The following MKLN1 variants were observed in gnomAD, a reference collection of about 807,000 sequenced individuals.
The protein encoded by MKLN1 is muskelin.
In MKLN1, 18 loss-of-function variants were observed where a neutral mutation model predicts 99.0. The ratio of observed to expected loss-of-function variants is 0.18; its 90% CI spans 0.13 to 0.27. The LOEUF is 0.27. Ranked by LOEUF, MKLN1 falls within the 10% of genes least tolerant of loss-of-function variation. The pLI is 1.00. For missense variants in MKLN1, 621 were observed against 875.9 expected (o/e 0.71, Z 3.67); for synonymous variants, 288 against 293.2 (o/e 0.98, Z 0.18).
At chr7:131,333,182 C>T (rs953691962) in intron 1 of MKLN1, among the ~76,000 whole-genome samples, 1 of 152,258 alleles carries the variant, frequency 6.6e-6, no homozygotes, top group African/African-American at 2.4e-5. Flanking sequence ...CTTTGGCCTC[C>T]CTAAGTGCTG....
At chr7:131,436,276 C>T (rs577489308) in intron 9 of MKLN1, among the ~76,000 whole-genome samples, 1 of 152,178 alleles carries the variant, frequency 6.6e-6, no homozygotes, top group South Asian at 2.1e-4. Flanking sequence ...AGAATACTGC[C>T]TTTTTATGTT....
At chr7:131,359,599 A>G (rs1799970868) in intron 1 of MKLN1, among the ~76,000 whole-genome samples, 1 of 152,148 alleles carries the variant, frequency 6.6e-6, no homozygotes, top group Non-Finnish European at 1.5e-5. Flanking sequence ...GTCCAATTAT[A>G]ATAATGCTTC....
At chr7:131,396,080 T>A (rs935108245) in intron 4 of MKLN1, among the ~76,000 whole-genome samples, 15 of 150,674 alleles carry the variant, frequency 1.0e-4, no homozygotes, top group African/African-American at 3.5e-4. Flanking sequence ...ATATATATAT[T>A]TTTTTCCACT....
chr7:131,397,027 CAT>C (rs551517446), intron 4 of MKLN1, among the ~76,000 whole-genome samples: 88 of 152,244 alleles, frequency 5.8e-4, no homozygotes, highest in Admixed American at 2.6e-3. Context: ...TGGGGGTAGA[CAT>C]GTGCACATTT....
chr7:131,367,176 T>C (rs1277955386), intron 1 of MKLN1, among the ~76,000 whole-genome samples: 2 of 152,190 alleles, frequency 1.3e-5, no homozygotes, highest in East Asian at 3.8e-4. Flanking sequence ...AAACTTAAAA[T>C]GTTATTCATT....
chr7:131,199,749 A>G (rs1285490793), intron 2 of MKLN1, among the ~76,000 whole-genome samples: 1 of 152,250 alleles, frequency 6.6e-6, no homozygotes, highest in Non-Finnish European at 1.5e-5. Context: ...GCTGGAGTAC[A>G]GTGGTGTGAT....
chr7:131,433,106 T>C (rs1238070169), intron 9 of MKLN1, among the ~76,000 whole-genome samples: 1 of 152,162 alleles, frequency 6.6e-6, no homozygotes, highest in African/African-American at 2.4e-5. Context: ...CAGCCCAGAA[T>C]TTAGACCATG....
At chr7:131,122,541 G>A (rs1204306291) in intron 1 of MKLN1, among the ~76,000 whole-genome samples, 1 of 152,158 alleles carries the variant, frequency 6.6e-6, no homozygotes, top group African/African-American at 2.4e-5. Flanking sequence ...ACATCACCCT[G>A]AATGAGTTGA....
intron 9 of MKLN1, among the ~76,000 whole-genome samples, chr7:131,431,095 G>A (rs1305539338): frequency 2.6e-5 from 4 of 152,058 alleles, no homozygotes; most frequent in Non-Finnish European, 5.9e-5. Context: ...GGTAGCAGGT[G>A]CCTGTAATCC....
chr7:131,112,294 T>A (rs1021780595), intron 1 of MKLN1, among the ~76,000 whole-genome samples: 1 of 152,248 alleles, frequency 6.6e-6, no homozygotes, highest in African/African-American at 2.4e-5. Flanking sequence ...ACTTCTGTGA[T>A]GAGATTGAAC....
chr7:131,410,736 C>G (rs1794849572), intron 6 of MKLN1, among the ~76,000 whole-genome samples: 1 of 152,014 alleles, frequency 6.6e-6, no homozygotes, highest in African/African-American at 2.4e-5. Flanking sequence ...GGTGGGAGAT[C>G]ACAAAAAGAA....
chr7:131,356,974 G>GAAAGA (rs978029291), intron 1 of MKLN1, among the ~76,000 whole-genome samples: 13 of 152,126 alleles, frequency 8.5e-5, no homozygotes, highest in African/African-American at 3.1e-4. Context: ...GGAAGGAAAG[G>GAAAGA]AAAGAAGGAA....
At chr7:131,275,568 T>TATATATATATATATATA (rs1491144880) in intron 3 of MKLN1, among the ~76,000 whole-genome samples, 1 of 14,830 alleles carries the variant, frequency 6.7e-5, no homozygotes, top group African/African-American at 4.0e-4. Context: ...TATATATATA[T>TATATATATATATATATA]TTTTTTTTTT....
chr7:131,289,118 C>T (rs929278121), intron 3 of MKLN1, among the ~76,000 whole-genome samples: 5 of 152,204 alleles, frequency 3.3e-5, no homozygotes, highest in Non-Finnish European at 7.3e-5. Flanking sequence ...TCCATCATGC[C>T]CGGCTATCAA....
At position 131,146,913 on chromosome 7, in the gene MKLN1, C is replaced by T. The variant is rs541872976; in HGVS notation, c.-297+3972C>T. 2.6e-5 allele frequency among the ~76,000 whole-genome samples: 4 copies of T among 152,226 alleles called. No individual in the cohort carries two copies. The South Asian group carries it at 8.3e-4, about 32-fold the overall frequency. On this transcript the variant is annotated intron_variant, in intron 2 of 7. Transcript: ENST00000416992. Reference sequence around the variant, plus strand: ...GGGGGAGAAGACAGGTGGGCAAATCCTTACAGTACCTTGTGACAAATGCTA... The same window carrying T: ...GGGGGAGAAGACAGGTGGGCAAATCTTTACAGTACCTTGTGACAAATGCTA...
chr7:131,337,108 A>G (rs1417123964), intron 1 of MKLN1, among the ~76,000 whole-genome samples: 1 of 152,122 alleles, frequency 6.6e-6, no homozygotes, highest in Non-Finnish European at 1.5e-5. Flanking sequence ...GCTTCTTGGA[A>G]GGTAGTATGA....
At chr7:131,298,998 G>C (rs1798336513) in intron 3 of MKLN1, among the ~76,000 whole-genome samples, 1 of 152,160 alleles carries the variant, frequency 6.6e-6, no homozygotes, top group African/African-American at 2.4e-5. Flanking sequence ...GGCAACAACA[G>C]CGAGATTCTG....
chr7:131,388,259 T>G (rs1466643280), intron 3 of MKLN1, among the ~76,000 whole-genome samples: 1 of 152,204 alleles, frequency 6.6e-6, no homozygotes, highest in Admixed American at 6.5e-5. Context: ...TATACTGTAT[T>G]TAAGTCATGA....
intron 3 of MKLN1, among the ~76,000 whole-genome samples, chr7:131,302,848 A>G (rs1370553669): frequency 2.6e-5 from 4 of 152,198 alleles, no homozygotes; most frequent in African/African-American, 9.6e-5. Context: ...GACCTAGTCC[A>G]CACTGGGTGG....
Sources: allele counts gnomAD v4.1 joint callset (sites outside exome capture counted in the v4.1 genomes callset), GRCh38; gene constraint gnomAD v4.1.1; transcripts MANE v1.5; gene names NCBI Gene and HGNC (gene_info 2026-07-23, HGNC 2026-07-21).